The following CNTN5 variants were observed in gnomAD, a reference collection of about 807,000 sequenced individuals.
The protein encoded by CNTN5 is contactin-5.
CNTN5 carries 77 observed loss-of-function variants against 129.1 expected under a neutral mutation model. The observed-to-expected ratio is 0.60, with a 90% confidence interval of 0.50 to 0.72. The LOEUF (loss-of-function observed/expected upper bound fraction) is 0.72. CNTN5 is among the 30% of genes least tolerant of loss of function. The pLI is 0.00. For synonymous variants in CNTN5, 509 were observed against 465.6 expected (o/e 1.09, Z -1.20); for missense variants, 1,478 against 1,328.8 (o/e 1.11, Z -1.75).
chr11:99,899,268 T>G (rs1949290767), intron 6 of CNTN5, among the ~76,000 whole-genome samples: 1 of 152,022 alleles, frequency 6.6e-6, no homozygotes, highest in Non-Finnish European at 1.5e-5. Context: ...TTATATTGAA[T>G]AGAATTAGTT....
chr11:99,615,250 A>G (rs1005994859), intron 3 of CNTN5, among the ~76,000 whole-genome samples: 2 of 151,912 alleles, frequency 1.3e-5, no homozygotes, highest in East Asian at 3.9e-4. Context: ...GATCTGCTTC[A>G]TTTGTTATTG....
intron 1 of CNTN5, among the ~76,000 whole-genome samples, chr11:99,081,762 T>A (rs1357542615): frequency 6.6e-6 from 1 of 152,158 alleles, no homozygotes; most frequent in Non-Finnish European, 1.5e-5. Flanking sequence ...ATGCATAGCA[T>A]GTAGTGTAAA....
intron 21 of CNTN5, among the ~76,000 whole-genome samples, chr11:100,310,132 CTCTGCTTTTGGGGA>C (rs1951443019): frequency 6.6e-6 from 1 of 151,900 alleles, no homozygotes; most frequent in African/African-American, 2.4e-5. Flanking sequence ...CTATCTCAAG[CTCTGCTTTTGGGGA>C]CTTCAACTGA....
chr11:99,045,903 G>A (rs544415963), intron 1 of CNTN5, among the ~76,000 whole-genome samples: 231 of 152,298 alleles, frequency 1.5e-3, no homozygotes, highest in Non-Finnish European at 2.4e-3. Context: ...CCAAGGTAGA[G>A]TCTTGAGTAG....
At chr11:99,337,540 A>C (rs1046590935) in intron 2 of CNTN5, among the ~76,000 whole-genome samples, 2 of 152,238 alleles carry the variant, frequency 1.3e-5, no homozygotes, top group Admixed American at 6.5e-5. Context: ...TTTGCGGCTT[A>C]AGAATGACTT....
At chr11:99,322,172 G>T (rs1865601320) in intron 1 of CNTN5, among the ~76,000 whole-genome samples, 1 of 152,132 alleles carries the variant, frequency 6.6e-6, no homozygotes, top group African/African-American at 2.4e-5. Flanking sequence ...AGTTCAATAT[G>T]AAGGTTGCGC....
intron 3 of CNTN5, among the ~76,000 whole-genome samples, chr11:99,742,679 C>T (rs1377682562): frequency 2.0e-5 from 3 of 152,106 alleles, no homozygotes; most frequent in African/African-American, 7.2e-5. Context: ...GATTCCATGA[C>T]AAGTCAGCAG....
At chr11:100,153,273 C>A (rs1947127390) in intron 13 of CNTN5, among the ~76,000 whole-genome samples, 1 of 152,088 alleles carries the variant, frequency 6.6e-6, no homozygotes, top group African/African-American at 2.4e-5. Context: ...AAAAATCACT[C>A]ATTTCCTGAG....
chr11:99,736,938 TAAG>T (rs1262243190), intron 3 of CNTN5, among the ~76,000 whole-genome samples: 2 of 151,966 alleles, frequency 1.3e-5, no homozygotes, highest in African/African-American at 4.8e-5. Flanking sequence ...CCAAAATACA[TAAG>T]AAAATCATAA....
intron 3 of CNTN5, among the ~76,000 whole-genome samples, chr11:99,695,010 A>G (rs950896686): frequency 1.3e-5 from 2 of 152,098 alleles, no homozygotes; most frequent in Non-Finnish European, 2.9e-5. Flanking sequence ...CACAAAATAC[A>G]TTACTTTTTT....
chr11:99,630,234 G>GTA (rs1319739924), intron 3 of CNTN5, among the ~76,000 whole-genome samples: 1 of 77,268 alleles, frequency 1.3e-5, no homozygotes, highest in Non-Finnish European at 2.7e-5. Flanking sequence ...TTATGGATGT[G>GTA]TGTGTGTATA....
At chr11:100,327,377 C>A (rs1951810645) in intron 21 of CNTN5, among the ~76,000 whole-genome samples, 1 of 152,216 alleles carries the variant, frequency 6.6e-6, no homozygotes, top group African/African-American at 2.4e-5. Flanking sequence ...ACATCCCCCT[C>A]TTTCCAGACT....
intron 13 of CNTN5, among the ~76,000 whole-genome samples, chr11:100,146,166 A>G (rs1225805073): frequency 6.6e-6 from 1 of 152,096 alleles, no homozygotes; most frequent in African/African-American, 2.4e-5. Context: ...AACAATCAGT[A>G]ATACTTAGGG....
chr11:99,526,682 T>C (rs1312965534), intron 2 of CNTN5, among the ~76,000 whole-genome samples: 1 of 152,222 alleles, frequency 6.6e-6, no homozygotes, highest in East Asian at 1.9e-4. Flanking sequence ...TACCTATTAA[T>C]GTTATATACA....
In CNTN5 at chr11:99,727,155, A is replaced by C. The variant is rs560568931; in HGVS notation, c.56-92389A>C. The stretch of plus-strand genomic sequence containing the variant: ...CCCCGTCTCTACTAAAAATACAAAA[A>C]ATTAGCCGGGCGCGGTGGCGGGCGC... On this transcript the variant is annotated intron_variant, in intron 3 of 24. Coordinates refer to ENST00000524871, the MANE Select transcript of CNTN5 (RefSeq NM_014361.4). Among the ~76,000 whole-genome samples, 47 of 142,646 alleles carry C rather than the reference A, an allele frequency of 3.3e-4. No homozygotes were observed. The East Asian group carries it at 4.0e-3, about 12-fold the overall frequency. The allele number at this position is 142,646 out of a possible 152,430, so 93.6% of individuals were successfully genotyped here.
intron 21 of CNTN5, among the ~76,000 whole-genome samples, chr11:100,320,156 C>A (rs1196801568): frequency 6.6e-6 from 1 of 152,096 alleles, no homozygotes; most frequent in East Asian, 1.9e-4. Flanking sequence ...AATGGTGGTA[C>A]CAATTTACAT....
intron 1 of CNTN5, among the ~76,000 whole-genome samples, chr11:99,041,795 T>C (rs1863993016): frequency 6.6e-6 from 1 of 152,212 alleles, no homozygotes; most frequent in Non-Finnish European, 1.5e-5. Context: ...TTAGTTGTAA[T>C]GGCTCTGAGT....
chr11:99,331,261 G>A (rs1228744639), intron 2 of CNTN5, among the ~76,000 whole-genome samples: 3 of 152,012 alleles, frequency 2.0e-5, no homozygotes, highest in Admixed American at 6.6e-5. Flanking sequence ...ATGTGATACC[G>A]AAGACCAGTG....
At chr11:99,211,677 C>T (rs962669535) in intron 1 of CNTN5, among the ~76,000 whole-genome samples, 2 of 151,470 alleles carry the variant, frequency 1.3e-5, no homozygotes, top group Admixed American at 6.6e-5. Context: ...CTTCCTTACC[C>T]TTTTTTCCAG....
Sources: gnomAD v4.1 joint callset for allele counts (sites outside exome capture counted in the v4.1 genomes callset) on GRCh38, gnomAD v4.1.1 for gene constraint, MANE v1.5 for transcripts, NCBI Gene and HGNC (gene_info 2026-07-23, HGNC 2026-07-21) for gene names.